WDR48: variants seen among roughly 807,000 people sequenced by gnomAD.
The protein encoded by WDR48 is WD repeat domain 48.
Under a neutral mutation model 94.0 loss-of-function variants are expected in WDR48, and 22 were observed. The ratio of observed to expected loss-of-function variants is 0.23; its 90% CI spans 0.17 to 0.33. WDR48 has a LOEUF of 0.33. Ranked by LOEUF, WDR48 falls within the 10% of genes least tolerant of loss-of-function variation. WDR48 has a pLI of 1.00. For missense variants in WDR48, 541 were observed against 813.8 expected, an observed-to-expected ratio of 0.66 and a Z score of 4.08; for synonymous variants, 278 against 280.5, an observed-to-expected ratio of 0.99 and a Z score of 0.09.
intron 1 of WDR48, among the ~76,000 whole-genome samples, chr3:39,054,608 C>T (rs987736300): frequency 1.3e-5 from 2 of 152,188 alleles, no homozygotes; most frequent in African/African-American, 2.4e-5. Flanking sequence ...CCCAGAATTC[C>T]TTATCTAAAA....
chr3:39,069,871 TA>T (rs2033831836), intron 7 of WDR48, 127 bp downstream of exon 7: 1 of 668,126 alleles, frequency 1.5e-6, no homozygotes, highest in East Asian at 2.8e-5. Flanking sequence ...TAAAAAATTT[TA>T]AAATACTAAA....
At chr3:39,067,689 C>T (rs964318500) in intron 5 of WDR48, among the ~76,000 whole-genome samples, 6 of 152,188 alleles carry the variant, frequency 3.9e-5, no homozygotes, top group Admixed American at 1.3e-4. Context: ...CATTTTATAA[C>T]GACTCTGTGG....
At chr3:39,060,148 T>C (rs901131672) in intron 1 of WDR48, among the ~76,000 whole-genome samples, 37 of 152,312 alleles carry the variant, frequency 2.4e-4, no homozygotes, top group Admixed American at 1.8e-3. Context: ...TTTTTTTGTA[T>C]ATTCGGAAAG....
chr3:39,068,912 C>A, intron 6 of WDR48, 53 bp downstream of exon 6: 1 of 1,293,812 alleles, frequency 7.7e-7, no homozygotes, highest in Non-Finnish European at 1.1e-6. Context: ...TTTCACATAC[C>A]TTGTCTCCTA....
At chr3:39,068,525 C>T (rs944786708) in intron 5 of WDR48, among the ~76,000 whole-genome samples, 3 of 152,028 alleles carry the variant, frequency 2.0e-5, no homozygotes, top group Non-Finnish European at 4.4e-5. Context: ...ATCATTTAAG[C>T]GGATAGCTTT....
At chr3:39,078,377 T>C (rs2034340074) in intron 10 of WDR48, 138 bp downstream of exon 10, 2 of 673,124 alleles carry the variant, frequency 3.0e-6, no homozygotes, top group Non-Finnish European at 5.0e-6. Flanking sequence ...TTATTTTTAA[T>C]ATAAGGAAAA....
chr3:39,089,929 T>C (rs906514386), intron 16 of WDR48: 1 of 152,238 alleles, frequency 6.6e-6, no homozygotes, highest in Non-Finnish European at 1.5e-5. Context: ...TTGTTTCCAA[T>C]GTTTTCTATT....
chr3:39,052,575 C>T (rs1346341622), intron 1 of WDR48: 2 of 159,404 alleles, frequency 1.3e-5, no homozygotes, highest in South Asian at 1.6e-4. Flanking sequence ...GCCCCCAGCC[C>T]TCTCTTATGT....
intron 10 of WDR48, among the ~76,000 whole-genome samples, chr3:39,079,029 CAA>C (rs566314334): frequency 0.15 from 14,889 of 101,150 alleles, 685 homozygotes; most frequent in Admixed American, 0.21. Flanking sequence ...GACTCCGTCT[CAA>C]AAAAAAAAAA....
chr3:39,066,689 T>C (rs2033629156), intron 4 of WDR48, 57 bp from the exon 5 acceptor site: 2 of 1,613,336 alleles, frequency 1.2e-6, no homozygotes, highest in Non-Finnish European at 1.7e-6. Flanking sequence ...GTACTTTGTG[T>C]GGCTCATTTT....
At position 39,084,646 on chromosome 3, in the gene WDR48, T is replaced by C. The variant is rs768319340; in HGVS notation, c.1283T>C (p.Met428Thr). 3.1e-6 allele frequency: 5 copies of C among 1,613,378 alleles called. No homozygotes were observed. Among genetic ancestry groups the C allele is most frequent in the Non-Finnish European group, 4.2e-6 (5 of 1,179,714 alleles). ...CCACTAAGTTTTTTCTTTTGATAGA[T>C]GTTAACTATTACTTTGGATGAAAGT... ...NWFSVDLKTG[M>T]LTITLDESDC... Residue 428 changes from methionine (M) to threonine (T), a missense_variant and splice_region_variant, in exon 13 of 19, where the codon ATG (methionine) becomes ACG (threonine). This residue lies in a region of WDR48 where 238 missense variants were observed against 285.3 expected (regional missense o/e 0.83). Transcript: ENST00000302313.
At position 39,091,629 on chromosome 3, in the gene WDR48, A is replaced by G; in HGVS notation, c.1673A>G (p.Asn558Ser). Reference protein sequence around the residue: ...QWVIDITVDKNMPKFNKIPFY... With the variant: ...QWVIDITVDKSMPKFNKIPFY... ...TTTTAACTTTTACTGTTTCAGAAAA[A>G]TATGCCCAAATTCAACAAAATTCCT... Residue 558 changes from asparagine to serine, a missense_variant, in exon 17 of 19, where the codon AAT becomes AGT. Around this residue, in one of 5 missense-constraint regions of WDR48, gnomAD observed 109 missense variants for 195.5 expected, o/e 0.56. Coordinates refer to ENST00000302313, the MANE Select transcript of WDR48 (RefSeq NM_020839.4). The G allele has an allele frequency of 1.2e-6, 2 of 1,604,808 alleles. No homozygotes were observed. Among genetic ancestry groups the G allele is most frequent in the Non-Finnish European group, 1.7e-6 (2 of 1,177,264 alleles).
At position 39,060,417 on chromosome 3, in the gene WDR48, T is replaced by TGC. The variant is rs745400385; in HGVS notation, c.49-2632_49-2631dup. On this transcript the variant is annotated intron_variant, in intron 1 of 18. Coordinates refer to ENST00000302313, the MANE Select transcript of WDR48 (RefSeq NM_020839.4). Reference sequence around the variant, plus strand: ...CATGTGTCAGTACAGTGTGTGTGTGTGCATATATATATATATATATGCACA... The same window carrying TGC: ...CATGTGTCAGTACAGTGTGTGTGTGTGCGCATATATATATATATATATGCACA... Among the ~76,000 whole-genome samples, 6 of 128,562 alleles carry TGC rather than the reference T, an allele frequency of 4.7e-5. No individual in the cohort carries two copies. The East Asian group carries it at 1.0e-3, about 22-fold the overall frequency. The allele number at this position is 128,562 out of a possible 152,430, so 84.3% of individuals were successfully genotyped here. A position where few individuals can be genotyped will look rare whatever the true frequency, so the allele number is the denominator to read the frequency against.
intron 7 of WDR48, among the ~76,000 whole-genome samples, chr3:39,071,272 A>G (rs1253196791): frequency 6.6e-6 from 1 of 152,206 alleles, no homozygotes; most frequent in Non-Finnish European, 1.5e-5. Context: ...TATTTTCTTA[A>G]CTGTAAGCCA....
chr3:39,070,296 T>C (rs2033853413), intron 7 of WDR48, among the ~76,000 whole-genome samples: 1 of 152,220 alleles, frequency 6.6e-6, no homozygotes. Flanking sequence ...TTTTCATCAA[T>C]GTAGATAATA....
chr3:39,076,262 A>G (rs1156532533), intron 8 of WDR48, among the ~76,000 whole-genome samples: 1 of 152,212 alleles, frequency 6.6e-6, no homozygotes, highest in Non-Finnish European at 1.5e-5. Context: ...GCATATCCTA[A>G]TGGACCGAAC....
Position 39,052,071 on chromosome 3 carries a change from C to T in WDR48, c.46C>T (p.Gln16Ter). The change falls in exon 1 of 19, where the codon CAG becomes TAG. Residue 16 changes from glutamine to a stop codon, truncating the protein, a stop_gained and splice_region_variant. Transcript: ENST00000302313. LOFTEE classifies it high-confidence loss of function. ...GAACACAGCAGGGCGGAGGAAAGTG[C>T]AGGTATGGAAGCCCGGTTCCTCGGT... ...RQNTAGRRKV[Q>*]VSYVIRDEVE... 6.2e-7 allele frequency: 1 copy of T among 1,613,756 alleles called. No individual in the cohort carries two copies. Among genetic ancestry groups the T allele is most frequent in the Non-Finnish European group, 8.5e-7 (1 of 1,179,898 alleles).
intron 1 of WDR48, among the ~76,000 whole-genome samples, chr3:39,055,928 T>C (rs1437683393): frequency 6.6e-6 from 1 of 152,244 alleles, no homozygotes; most frequent in Non-Finnish European, 1.5e-5. Flanking sequence ...TTGTGCTCAC[T>C]ACCGTATCCT....
chr3:39,076,351 T>C (rs549675992), intron 8 of WDR48, among the ~76,000 whole-genome samples: 1 of 152,308 alleles, frequency 6.6e-6, no homozygotes, highest in Non-Finnish European at 1.5e-5. Flanking sequence ...GGCAGCAGGC[T>C]GATGTGATGG....
Sources: allele counts gnomAD v4.1 joint callset (sites outside exome capture counted in the v4.1 genomes callset), GRCh38; gene constraint gnomAD v4.1.1; regional missense constraint gnomAD v4.1.1; transcripts MANE v1.5; gene names NCBI Gene and HGNC (gene_info 2026-07-23, HGNC 2026-07-21).